SMYD5: variants seen among roughly 807,000 people sequenced by gnomAD.
The protein encoded by SMYD5 is SMYD family member 5.
SMYD5 carries 35 observed loss-of-function variants against 57.4 expected under a neutral mutation model. The observed-to-expected ratio is 0.61, with a 90% CI of 0.47 to 0.81. SMYD5 has a LOEUF of 0.81. SMYD5 is among the 30% of genes least tolerant of loss of function. SMYD5 has a pLI of 0.00. For missense variants in SMYD5, 471 were observed against 527.9 expected, an observed-to-expected ratio of 0.89 and a Z score of 1.06; for synonymous variants, 198 against 189.7, an observed-to-expected ratio of 1.04 and a Z score of -0.36.
chr2:73,226,133 G>C lies in SMYD5; in HGVS notation c.*187G>C. The stretch of plus-strand genomic sequence containing the variant: ...AACCCCCACCAGACCTCATGCCCTG[G>C]ACACTGCTGCTGAGTTGGCTCAGAC... On this transcript the variant is annotated 3_prime_UTR_variant, in exon 13 of 13. Coordinates refer to ENST00000389501, the MANE Select transcript of SMYD5 (RefSeq NM_006062.3). The C allele has an allele frequency of 1.3e-6, 1 of 768,380 alleles. No individual in the cohort carries two copies. The highest frequency in any genetic ancestry group is 2.0e-6 in the Non-Finnish European group (1 of 491,966). 47.6% of individuals were successfully genotyped at this position (768,380 alleles called of 1,614,324 possible). A position where few individuals can be genotyped will look rare whatever the true frequency, so the allele number is the denominator to read the frequency against.
chr2:73,225,234 T>TA (rs2103722765), intron 11 of SMYD5: 1 of 481,840 alleles, frequency 2.1e-6, no homozygotes, highest in South Asian at 3.0e-5. Context: ...CAAATGCAGA[T>TA]ATGTAATTTC....
At chr2:73,214,799 T>G (rs1453428217) in intron 1 of SMYD5, 1 of 1,308,702 alleles carries the variant, frequency 7.6e-7, no homozygotes, top group Admixed American at 2.3e-5. Context: ...GTCCTTGGAG[T>G]GCTGAGGAAT....
chr2:73,224,914 A>G lies in SMYD5; in HGVS notation c.989A>G (p.Asn330Ser), dbSNP rs761637990. ...GCAGAGACCTCCTTTCCAGAAAACAACTTCCTTTTGCATGTCACTGCTCTG... is the reference window on the plus strand; with the variant it reads ...GCAGAGACCTCCTTTCCAGAAAACAGCTTCCTTTTGCATGTCACTGCTCTG... ...PNAETSFPEN[N>S]FLLHVTALED... is the part of the protein sequence containing the mutation. Residue 330 changes from asparagine to serine, a missense_variant, in exon 11 of 13, where the codon AAC (asparagine) becomes AGC (serine). Asn to Ser is a conservative substitution (Grantham distance 46). Coordinates refer to ENST00000389501, the MANE Select transcript of SMYD5 (RefSeq NM_006062.3). The G allele has an allele frequency of 4.3e-6, 7 of 1,614,056 alleles. No individual in the cohort carries two copies. The highest frequency in any genetic ancestry group is 3.3e-5 in the Admixed American group (2 of 60,014).
At chr2:73,218,994 A>G (rs781225280) in intron 2 of SMYD5, 25 bp downstream of exon 2, 8 of 1,534,186 alleles carry the variant, frequency 5.2e-6, no homozygotes, top group South Asian at 2.2e-5. Context: ...CCTACTCCTC[A>G]TGGCCCAGTC....
chr2:73,214,422 G>A, intron 1 of SMYD5, 60 bp downstream of exon 1: 1 of 1,609,664 alleles, frequency 6.2e-7, no homozygotes, highest in Non-Finnish European at 8.5e-7. Flanking sequence ...GAGACAGCCC[G>A]GCCGGACTCC....
chr2:73,223,229 C>A, intron 8 of SMYD5, 123 bp downstream of exon 8: 3 of 911,594 alleles, frequency 3.3e-6, no homozygotes, highest in Admixed American at 1.8e-5. Flanking sequence ...CTGAACTGGA[C>A]ACAGTGGTGG....
chr2:73,215,485 C>T (rs752104548), intron 1 of SMYD5, among the ~76,000 whole-genome samples: 1 of 152,100 alleles, frequency 6.6e-6, no homozygotes, highest in Non-Finnish European at 1.5e-5. Flanking sequence ...TTGCTCCTTC[C>T]CTGGTAAATC....
intron 1 of SMYD5, chr2:73,214,596 CG>C: frequency 3.3e-6 from 5 of 1,503,550 alleles, no homozygotes; most frequent in Non-Finnish European, 4.5e-6. Context: ...CAGCGGAATT[CG>C]GCCAGCCCGC....
At position 73,225,788 on chromosome 2, in the gene SMYD5, C is replaced by T. The variant is rs748160079; in HGVS notation, c.1107-8C>T. The T allele has an allele frequency of 1.1e-5, 18 of 1,614,006 alleles. No homozygotes were observed. The highest frequency in any genetic ancestry group is 1.6e-4 in the Middle Eastern group (1 of 6,084). Reference sequence around the variant, plus strand: ...ACTTTTCCCCCTCACCATCCCCCACCGCTGCAGGGAGAACTATCTATTTGT... The same window carrying T: ...ACTTTTCCCCCTCACCATCCCCCACTGCTGCAGGGAGAACTATCTATTTGT... On this transcript the variant is annotated splice_polypyrimidine_tract_variant and splice_region_variant and intron_variant, in intron 12 of 12. Coordinates refer to ENST00000389501, the MANE Select transcript of SMYD5 (RefSeq NM_006062.3).
intron 3 of SMYD5, among the ~76,000 whole-genome samples, 200 bp downstream of exon 3, chr2:73,220,390 T>A (rs2103714488): frequency 6.6e-6 from 1 of 152,146 alleles, no homozygotes; most frequent in East Asian, 1.9e-4. Flanking sequence ...GAAAATGGGC[T>A]TGGTGGGAGC....
At chr2:73,220,985 C>T (rs1264370232) in intron 4 of SMYD5, among the ~76,000 whole-genome samples, 180 bp from the exon 5 acceptor site, 1 of 152,120 alleles carries the variant, frequency 6.6e-6, no homozygotes. Flanking sequence ...TAACGCTCTC[C>T]CAGAAAGAGC....
intron 11 of SMYD5, 104 bp downstream of exon 11, chr2:73,225,064 G>A (rs1024563792): frequency 2.5e-6 from 2 of 799,062 alleles, no homozygotes. Context: ...AGTTCAGGCT[G>A]TTGGGTGGAA....
At chr2:73,218,625 G>C (rs1162955164) in intron 1 of SMYD5, among the ~76,000 whole-genome samples, 2 of 152,212 alleles carry the variant, frequency 1.3e-5, no homozygotes, top group African/African-American at 4.8e-5. Flanking sequence ...CTGCCTCCCT[G>C]TTCCAGGCCT....
intron 1 of SMYD5, among the ~76,000 whole-genome samples, chr2:73,216,983 A>T: frequency 6.9e-6 from 1 of 145,404 alleles, no homozygotes. Context: ...ATGGAGTCTT[A>T]CTCTGTTGCC....
Position 73,222,817 on chromosome 2 carries a change from GGTGA to G in SMYD5, c.705+6_705+9del, listed in dbSNP as rs1558552858. On this transcript the variant is annotated splice_donor_variant and splice_donor_region_variant and intron_variant, in intron 7 of 12. Transcript: ENST00000389501. LOFTEE classifies it high-confidence loss of function. ...CCCTCTATGAGGAAGCAGTCAGCCA[GGTGA>G]GTGAGGAGAGGGTGGGACCAGTGGC... is the stretch of plus-strand genomic sequence containing the variant. The G allele has an allele frequency of 1.5e-5, 24 of 1,613,908 alleles. No individual in the cohort carries two copies. The highest frequency in any genetic ancestry group is 3.3e-5 in the Admixed American group (2 of 59,980).
At chr2:73,223,740 G>T (rs72809940) in intron 9 of SMYD5, among the ~76,000 whole-genome samples, 99 of 152,254 alleles carry the variant, frequency 6.5e-4, no homozygotes, top group Middle Eastern at 3.4e-3. Flanking sequence ...TGGGAGGAGG[G>T]GGGTGCTGGA....
chr2:73,221,036 T>G, intron 4 of SMYD5, 129 bp from the exon 5 acceptor site: 2 of 930,758 alleles, frequency 2.1e-6, no homozygotes, highest in South Asian at 1.5e-5. Context: ...GCCTAAGTCC[T>G]TGTCTATGAC....
Position 73,221,228 on chromosome 2 carries a change from G to A in SMYD5, c.531G>A (p.Val177=), listed in dbSNP as rs763056527. Reference sequence around the variant, plus strand: ...TGATGGCTAGGATGGTGGCCACAGTGAAGCAGGTGAGCCCACCCAACCCTC... The same window carrying A: ...TGATGGCTAGGATGGTGGCCACAGTAAAGCAGGTGAGCCCACCCAACCCTC... The part of the protein sequence containing the change: ...IMLMARMVAT[V]KQAKDKDRWI... Residue 177 remains valine (V), a synonymous_variant, in exon 5 of 13, where the codon GTG becomes GTA. Coordinates refer to ENST00000389501, the MANE Select transcript of SMYD5 (RefSeq NM_006062.3). The A allele has an allele frequency of 1.9e-6, 3 of 1,613,774 alleles. No homozygotes were observed. Among genetic ancestry groups the A allele is most frequent in the Non-Finnish European group, 2.5e-6 (3 of 1,179,822 alleles).
intron 6 of SMYD5, 113 bp downstream of exon 6, chr2:73,222,043 G>C: frequency 1.4e-6 from 1 of 695,310 alleles, no homozygotes; most frequent in Non-Finnish European, 2.6e-6. Context: ...GAAGGAGTTA[G>C]AACTTGGGTC....
Sources: allele counts gnomAD v4.1 joint callset (sites outside exome capture counted in the v4.1 genomes callset), GRCh38; gene constraint gnomAD v4.1.1; transcripts MANE v1.5; gene names NCBI Gene and HGNC (gene_info 2026-07-23, HGNC 2026-07-21).